CFAP92: variants seen among roughly 807,000 people sequenced by gnomAD.
CFAP92 encodes uncharacterized protein CFAP92.
CFAP92 carries 86 observed loss-of-function variants against 106.3 expected under a neutral mutation model. The ratio of observed to expected loss-of-function variants is 0.81; its 90% CI spans 0.68 to 0.97. The LOEUF is 0.97. Among genes scored for constraint, CFAP92 ranks in the 50% least tolerant of loss-of-function variants. The pLI is 0.00. For synonymous variants in CFAP92, 477 were observed against 506.4 expected, an observed-to-expected ratio of 0.94 and a Z score of 0.78; for missense variants, 1,204 against 1,283.8, an observed-to-expected ratio of 0.94 and a Z score of 0.95.
chr3:128,950,163 T>A (rs1940640553), intron 9 of CFAP92, among the ~76,000 whole-genome samples: 1 of 152,222 alleles, frequency 6.6e-6, no homozygotes, highest in Non-Finnish European at 1.5e-5. Context: ...TGCTCACTGC[T>A]TAGTGCAAAT....
chr3:129,003,899 G>C, upstream of CFAP92: 1 of 1,374,200 alleles, frequency 7.3e-7, no homozygotes, highest in Non-Finnish European at 9.4e-7. Context: ...GGCTGCGGCG[G>C]AGGCCCGCGC....
At chr3:129,000,866 G>C (rs531410997) in intron 1 of CFAP92, among the ~76,000 whole-genome samples, 28 of 152,310 alleles carry the variant, frequency 1.8e-4, no homozygotes, top group African/African-American at 6.3e-4. Context: ...CACAGGGCTC[G>C]TCTCAGATGG....
At chr3:128,939,731 C>T (rs544317120) in intron 10 of CFAP92, among the ~76,000 whole-genome samples, 12 of 152,246 alleles carry the variant, frequency 7.9e-5, no homozygotes, top group Non-Finnish European at 1.6e-4. Context: ...TTTCCACGGA[C>T]GGGGTTGGGA....
chr3:128,962,707 G>T (rs949902094), intron 9 of CFAP92, among the ~76,000 whole-genome samples: 1 of 152,042 alleles, frequency 6.6e-6, no homozygotes, highest in African/African-American at 2.4e-5. Context: ...CCCACAGCAC[G>T]ATTTAAAAGG....
At chr3:128,957,126 G>C (rs1941501876) in intron 9 of CFAP92, among the ~76,000 whole-genome samples, 1 of 152,116 alleles carries the variant, frequency 6.6e-6, no homozygotes, top group African/African-American at 2.4e-5. Context: ...TATCCTAGAA[G>C]AAAGGCGAAA....
At chr3:128,925,823 A>G (rs1468812888) in intron 12 of CFAP92, among the ~76,000 whole-genome samples, 1 of 152,242 alleles carries the variant, frequency 6.6e-6, no homozygotes, top group African/African-American at 2.4e-5. Context: ...CAACCAAATT[A>G]TCTTCAAAAG....
intron 9 of CFAP92, among the ~76,000 whole-genome samples, chr3:128,964,503 C>A (rs932600361): frequency 4.6e-5 from 7 of 152,216 alleles, no homozygotes; most frequent in African/African-American, 1.7e-4. Flanking sequence ...CAAGCCATCA[C>A]AGCTGATATC....
chr3:128,912,564 A>G, intron 15 of CFAP92: 1 of 1,614,190 alleles, frequency 6.2e-7, no homozygotes, highest in South Asian at 1.1e-5. Context: ...ATCCTTGAGA[A>G]GCGAGCCTAT....
At chr3:128,982,023 A>G (rs11915889) in intron 4 of CFAP92, among the ~76,000 whole-genome samples, 1 of 152,022 alleles carries the variant, frequency 6.6e-6, no homozygotes, top group Non-Finnish European at 1.5e-5. Flanking sequence ...GGAATGGTCA[A>G]TGAGCATTGG....
chr3:128,970,094 A>C (rs571719592), intron 8 of CFAP92: 2 of 152,514 alleles, frequency 1.3e-5, no homozygotes, highest in Admixed American at 6.5e-5. Flanking sequence ...GTCTCTACAG[A>C]AAATAAAAAA....
At chr3:128,991,176 G>A (rs7637352) in intron 2 of CFAP92, among the ~76,000 whole-genome samples, 44,053 of 152,016 alleles carry the variant, frequency 0.29, 6,932 homozygotes, top group African/African-American at 0.39. Context: ...GGCTAAAGGA[G>A]GTCAAGTGCC....
intron 15 of CFAP92, chr3:128,912,835 A>G (rs746090203): frequency 1.4e-6 from 1 of 689,900 alleles, no homozygotes; most frequent in Non-Finnish European, 2.7e-6. Context: ...AGCCGGAGAG[A>G]GAGAATGGAA....
In CFAP92 at chr3:129,002,253, A is replaced by C. The variant is rs1267724547; in HGVS notation, n.117+321T>G. The C allele has an allele frequency of 2.8e-5, 43 of 1,530,984 alleles. No individual in the cohort carries two copies. The highest frequency in any genetic ancestry group is 3.5e-5 in the Non-Finnish European group (40 of 1,144,784). 94.8% of individuals were successfully genotyped at this position (1,530,984 alleles called of 1,614,324 possible). On this transcript the variant is annotated intron_variant and non_coding_transcript_variant, in intron 1 of 4. Transcript: ENST00000510149. ...TGCGCGGCTGGAGGAGGAGAATAGC[A>C]GCTTGCGCGAGTTGGTGGAGGACCT...
At chr3:128,974,583 G>A (rs902673430) in intron 7 of CFAP92, among the ~76,000 whole-genome samples, 1 of 152,078 alleles carries the variant, frequency 6.6e-6, no homozygotes, top group Non-Finnish European at 1.5e-5. Flanking sequence ...CACTTTGGGA[G>A]GCTGAGGCAG....
the CFAP92 span, among the ~76,000 whole-genome samples, chr3:129,023,310 C>CTTT: frequency 1.5e-4 from 21 of 138,158 alleles, 1 homozygote; most frequent in South Asian, 1.6e-3. Flanking sequence ...CCTCTTGCTT[C>CTTT]TTTTTTTTTT....
At position 128,909,955 on chromosome 3, in the gene CFAP92, A is replaced by G. The variant is rs561041833; in HGVS notation, c.*344T>C. 4 of 1,596,792 alleles carry G rather than the reference A, an allele frequency of 2.5e-6. No individual in the cohort carries two copies. Among genetic ancestry groups the G allele is most frequent in the Admixed American group, 1.8e-5 (1 of 55,868 alleles). ...ACTAAGACAGGCAAAGATGCAGCCC[A>G]GGGAGGGACCATGTGGGGGACTGGT... On this transcript the variant is annotated 3_prime_UTR_variant, in exon 16 of 16. Coordinates refer to ENST00000645291, the MANE Select transcript of CFAP92 (RefSeq NM_001394090.1).
intron 13 of CFAP92, 37 bp downstream of exon 13, chr3:128,916,069 GA>G (rs1366830229): frequency 8.1e-7 from 1 of 1,227,694 alleles, no homozygotes; most frequent in African/African-American, 1.6e-5. Flanking sequence ...GAACTCATGG[GA>G]TTTGCCAACT....
chr3:128,941,065 C>T (rs917916114), intron 10 of CFAP92, among the ~76,000 whole-genome samples: 1 of 152,118 alleles, frequency 6.6e-6, no homozygotes, highest in African/African-American at 2.4e-5. Flanking sequence ...TCTCTCTCCA[C>T]TTATTTATGT....
intron 1 of CFAP92, chr3:129,001,824 C>G (rs1453931621): frequency 6.5e-7 from 1 of 1,545,700 alleles, no homozygotes; most frequent in Non-Finnish European, 8.7e-7. Flanking sequence ...CTTCCACCAC[C>G]TGGACTGCCG....
Sources: allele counts gnomAD v4.1 joint callset (sites outside exome capture counted in the v4.1 genomes callset), GRCh38; gene constraint gnomAD v4.1.1; transcripts MANE v1.5; gene names NCBI Gene and HGNC (gene_info 2026-07-23, HGNC 2026-07-21).